Variants in GALNT17 observed in about 807,000 individuals in gnomAD.
The protein encoded by GALNT17 is UDP-GalNAc:polypeptide N-acetylgalactosaminyltransferase-like 3.
Under a neutral mutation model 63.7 loss-of-function variants are expected in GALNT17, and 29 were observed. The observed-to-expected ratio is 0.46, with a 90% CI of 0.34 to 0.62. The LOEUF (loss-of-function observed/expected upper bound fraction) is 0.62. Ranked by LOEUF, GALNT17 falls within the 20% of genes least tolerant of loss-of-function variation. GALNT17 has a pLI of 0.01. For synonymous variants in GALNT17, 305 were observed against 318.3 expected (o/e 0.96, Z 0.45); for missense variants, 603 against 799.6 (o/e 0.75, Z 2.97).
intron 1 of GALNT17, among the ~76,000 whole-genome samples, chr7:71,230,799 C>A (rs879048387): frequency 1.3e-5 from 2 of 152,074 alleles, no homozygotes; most frequent in Admixed American, 6.6e-5. Context: ...GCTGGGGAGT[C>A]CGCCTTGGTT....
intron 5 of GALNT17, among the ~76,000 whole-genome samples, chr7:71,490,991 C>T (rs932280315): frequency 6.6e-6 from 1 of 151,928 alleles, no homozygotes; most frequent in Non-Finnish European, 1.5e-5. Flanking sequence ...GTTGGGAATT[C>T]GAGACCAGCC....
At chr7:71,349,599 T>G (rs916669764) in intron 2 of GALNT17, among the ~76,000 whole-genome samples, 1 of 152,228 alleles carries the variant, frequency 6.6e-6, no homozygotes, top group African/African-American at 2.4e-5. Flanking sequence ...CAATGCTGTT[T>G]GGAGTTTCGT....
chr7:71,159,127 A>G (rs1788293388), intron 1 of GALNT17, among the ~76,000 whole-genome samples: 1 of 151,832 alleles, frequency 6.6e-6, no homozygotes, highest in Admixed American at 6.6e-5. Flanking sequence ...CATCTCCTAC[A>G]GAAGTTTCTT....
intron 6 of GALNT17, among the ~76,000 whole-genome samples, chr7:71,577,387 TA>T (rs1455261000): frequency 6.6e-6 from 1 of 152,114 alleles, no homozygotes; most frequent in African/African-American, 2.4e-5. Flanking sequence ...TTTAAAAAAT[TA>T]ATACAAGAAA....
At chr7:71,496,594 G>A (rs573623082) in intron 5 of GALNT17, among the ~76,000 whole-genome samples, 27 of 152,268 alleles carry the variant, frequency 1.8e-4, no homozygotes, top group Admixed American at 7.8e-4. Context: ...TGAAAGGAGT[G>A]GAGGAGAGAG....
chr7:71,341,906 T>TTA (rs1245157112), intron 2 of GALNT17, among the ~76,000 whole-genome samples: 1 of 152,124 alleles, frequency 6.6e-6, no homozygotes, highest in Non-Finnish European at 1.5e-5. Context: ...TCCCACATCT[T>TTA]TAGAGAGAAA....
At chr7:71,269,611 C>G (rs1417625249) in intron 1 of GALNT17, among the ~76,000 whole-genome samples, 1 of 151,842 alleles carries the variant, frequency 6.6e-6, no homozygotes, top group Admixed American at 6.6e-5. Context: ...CAGAGGTCCT[C>G]GACCCACACG....
chr7:71,301,396 A>T (rs1384508644), intron 1 of GALNT17, among the ~76,000 whole-genome samples: 3 of 147,460 alleles, frequency 2.0e-5, no homozygotes, highest in South Asian at 4.2e-4. Context: ...TATATAATAA[A>T]ATATATATTT....
At chr7:71,345,390 C>T (rs1792073579) in intron 2 of GALNT17, among the ~76,000 whole-genome samples, 1 of 152,136 alleles carries the variant, frequency 6.6e-6, no homozygotes, top group Admixed American at 6.5e-5. Context: ...CCTTTGGCCT[C>T]CTGCTTATAA....
At chr7:71,348,443 CCT>C (rs1792133247) in intron 2 of GALNT17, among the ~76,000 whole-genome samples, 1 of 152,222 alleles carries the variant, frequency 6.6e-6, no homozygotes, top group African/African-American at 2.4e-5. Flanking sequence ...TCAAGATTCC[CCT>C]CTGTTTCTTT....
chr7:71,677,403 C>A, intron 9 of GALNT17, 97 bp downstream of exon 9: 1 of 1,205,944 alleles, frequency 8.3e-7, no homozygotes. Flanking sequence ...TGCTGTCTAC[C>A]TTGGTAGTTA....
At chr7:71,255,933 G>C (rs1790281190) in intron 1 of GALNT17, among the ~76,000 whole-genome samples, 1 of 152,144 alleles carries the variant, frequency 6.6e-6, no homozygotes, top group African/African-American at 2.4e-5. Flanking sequence ...GCCATGATAG[G>C]GAGGGGAAGC....
chr7:71,228,777 A>C (rs1789728735), intron 1 of GALNT17, among the ~76,000 whole-genome samples: 1 of 152,202 alleles, frequency 6.6e-6, no homozygotes. Flanking sequence ...TGGATAATCC[A>C]GGCTAATGTC....
intron 5 of GALNT17, among the ~76,000 whole-genome samples, chr7:71,421,418 A>G (rs889451156): frequency 6.6e-6 from 1 of 152,132 alleles, no homozygotes; most frequent in Admixed American, 6.5e-5. Flanking sequence ...TTAAGGATGA[A>G]GTTTGAAAGT....
At chr7:71,541,636 C>T (rs1045479125) in intron 5 of GALNT17, among the ~76,000 whole-genome samples, 33 of 152,050 alleles carry the variant, frequency 2.2e-4, no homozygotes, top group African/African-American at 1.9e-4. Flanking sequence ...CCTCTGCCCC[C>T]GGCTTCACCT....
chr7:71,573,282 T>A lies in GALNT17; in HGVS notation c.1080+1880T>A, dbSNP rs180800139. ...GCCTCGGCCTCCCAAAGTGCTGGGA[T>A]TACAGACATGAGCTCCCATGCCTGG... On this transcript the variant is annotated intron_variant, in intron 6 of 10. Transcript: ENST00000333538. 1.9e-3 allele frequency among the ~76,000 whole-genome samples: 287 copies of A among 152,152 alleles called. 3 individuals carry two copies. The highest frequency in any genetic ancestry group is 6.7e-3 in the African/African-American group (277 of 41,526).
chr7:71,261,672 G>T (rs1583808741), intron 1 of GALNT17, among the ~76,000 whole-genome samples: 1 of 152,184 alleles, frequency 6.6e-6, no homozygotes. Flanking sequence ...GTGCCTGGCA[G>T]GGGGCTTGCC....
intron 8 of GALNT17, among the ~76,000 whole-genome samples, chr7:71,672,126 AT>A (rs1373514848): frequency 6.6e-6 from 1 of 152,044 alleles, no homozygotes; most frequent in Non-Finnish European, 1.5e-5. Context: ...AAAAGCATGA[AT>A]TTTTTAAAAT....
At chr7:71,304,770 A>G (rs548932091) in intron 1 of GALNT17, among the ~76,000 whole-genome samples, 1 of 148,378 alleles carries the variant, frequency 6.7e-6, no homozygotes, top group East Asian at 2.0e-4. Context: ...TTTTTTTGAG[A>G]TGGAGTTTTG....
Sources: gnomAD v4.1 joint callset for allele counts (sites outside exome capture counted in the v4.1 genomes callset) on GRCh38, gnomAD v4.1.1 for gene constraint, MANE v1.5 for transcripts, NCBI Gene and HGNC (gene_info 2026-07-23, HGNC 2026-07-21) for gene names.